The following PDE4B variants were observed in gnomAD, a reference collection of about 807,000 sequenced individuals.
PDE4B encodes the protein 3',5'-cyclic-AMP phosphodiesterase 4B.
In PDE4B, 20 loss-of-function variants were observed where a neutral mutation model predicts 82.2. The observed-to-expected ratio is 0.24, with a 90% CI of 0.17 to 0.35. PDE4B has a LOEUF of 0.35. PDE4B is among the 10% of genes least tolerant of loss of function. PDE4B has a pLI of 1.00. For synonymous variants in PDE4B, 320 were observed against 318.9 expected (o/e 1.00, Z -0.04); for missense variants, 655 against 907.2 (o/e 0.72, Z 3.57).
chr1:65,958,986 C>T (rs1360755427), intron 3 of PDE4B, among the ~76,000 whole-genome samples: 1 of 152,060 alleles, frequency 6.6e-6, no homozygotes, highest in Non-Finnish European at 1.5e-5. Context: ...TCTGTGCTTC[C>T]CAGATGCAGA....
chr1:65,913,309 T>A lies in PDE4B; in HGVS notation c.-6T>A, dbSNP rs1184050490. 1.2e-6 allele frequency: 2 copies of A among 1,613,198 alleles called. No individual in the cohort carries two copies. The highest frequency in any genetic ancestry group is 1.7e-6 in the Non-Finnish European group (2 of 1,179,344). The stretch of plus-strand genomic sequence containing the variant: ...ATCCTAAGAGGGGATATTTTCCACC[T>A]CTATAATGAAGAAAAGCAGGAGTGT... On this transcript the variant is annotated 5_prime_UTR_variant, in exon 2 of 17. Coordinates refer to ENST00000341517, the MANE Select transcript of PDE4B (RefSeq NM_002600.4).
intron 1 of PDE4B, among the ~76,000 whole-genome samples, chr1:65,837,462 G>A (rs1646153050): frequency 1.3e-5 from 2 of 152,148 alleles, no homozygotes; most frequent in Admixed American, 1.3e-4. Context: ...ACAAAAATTA[G>A]TCAGGTGTGA....
chr1:65,910,899 G>A (rs1376582669), intron 1 of PDE4B, among the ~76,000 whole-genome samples: 1 of 152,114 alleles, frequency 6.6e-6, no homozygotes, highest in South Asian at 2.1e-4. Flanking sequence ...GGGCAGATGA[G>A]GAATATCCAG....
chr1:66,036,915 A>T (rs990009964), intron 3 of PDE4B, among the ~76,000 whole-genome samples: 4 of 152,042 alleles, frequency 2.6e-5, no homozygotes, highest in Admixed American at 2.6e-4. Flanking sequence ...CAGGCAGATC[A>T]TGAAGTCAGG....
chr1:65,949,144 A>G (rs949632242), intron 3 of PDE4B, among the ~76,000 whole-genome samples: 9 of 152,028 alleles, frequency 5.9e-5, no homozygotes, highest in Non-Finnish European at 1.3e-4. Context: ...AGATCCTATC[A>G]TCTCCATTGC....
At chr1:65,907,001 A>G (rs971727905) in intron 1 of PDE4B, among the ~76,000 whole-genome samples, 1 of 152,186 alleles carries the variant, frequency 6.6e-6, no homozygotes, top group Non-Finnish European at 1.5e-5. Flanking sequence ...TTATTACTTA[A>G]TTGAAAAAAC....
At chr1:65,893,314 C>A (rs1156350960) in intron 1 of PDE4B, among the ~76,000 whole-genome samples, 2 of 151,944 alleles carry the variant, frequency 1.3e-5, no homozygotes, top group Non-Finnish European at 2.9e-5. Flanking sequence ...GTGAGCAAAG[C>A]ACATGAGTAG....
chr1:65,909,117 C>G (rs1165240081), intron 1 of PDE4B, among the ~76,000 whole-genome samples: 2 of 152,022 alleles, frequency 1.3e-5, no homozygotes, highest in Non-Finnish European at 2.9e-5. Context: ...ATATGGAAAA[C>G]AGTTATTGGA....
At chr1:65,858,008 A>G (rs1444393053) in intron 1 of PDE4B, among the ~76,000 whole-genome samples, 1 of 152,072 alleles carries the variant, frequency 6.6e-6, no homozygotes, top group Non-Finnish European at 1.5e-5. Context: ...ATTCAAACAT[A>G]TATTTCTGGC....
intron 3 of PDE4B, among the ~76,000 whole-genome samples, chr1:66,059,954 G>C (rs1050192865): frequency 6.6e-6 from 1 of 152,158 alleles, no homozygotes; most frequent in African/African-American, 2.4e-5. Flanking sequence ...AAAAAGCTCA[G>C]TTAGAATTCC....
At chr1:66,025,391 T>A (rs1286767172) in intron 3 of PDE4B, among the ~76,000 whole-genome samples, 1 of 152,124 alleles carries the variant, frequency 6.6e-6, no homozygotes, top group Non-Finnish European at 1.5e-5. Context: ...TAAGCTAAAT[T>A]CCTTATCTCT....
chr1:66,124,127 T>C (rs1218850945), intron 3 of PDE4B, among the ~76,000 whole-genome samples: 1 of 152,224 alleles, frequency 6.6e-6, no homozygotes, highest in Admixed American at 6.5e-5. Context: ...TATGGATTTG[T>C]CTCATGAGAG....
chr1:65,954,883 A>C (rs1649178116), intron 3 of PDE4B, among the ~76,000 whole-genome samples: 1 of 152,142 alleles, frequency 6.6e-6, no homozygotes, highest in Non-Finnish European at 1.5e-5. Context: ...ATTTCAATTT[A>C]GAAAAAAGTG....
chr1:66,257,515 T>A (rs972602378), intron 4 of PDE4B, 132 bp from the exon 5 acceptor site: 2 of 946,130 alleles, frequency 2.1e-6, no homozygotes, highest in African/African-American at 3.2e-5. Context: ...GTGAGTCCTG[T>A]CTTATATCCA....
At chr1:66,045,443 T>C (rs1654649744) in intron 3 of PDE4B, among the ~76,000 whole-genome samples, 1 of 151,692 alleles carries the variant, frequency 6.6e-6, no homozygotes, top group Non-Finnish European at 1.5e-5. Flanking sequence ...GTCCCTAAGT[T>C]TCCTCAAATA....
chr1:66,180,568 G>T (rs1647042066), intron 3 of PDE4B, among the ~76,000 whole-genome samples: 1 of 152,152 alleles, frequency 6.6e-6, no homozygotes, highest in Non-Finnish European at 1.5e-5. Flanking sequence ...ACATGAATTA[G>T]GGCAGCCATT....
chr1:65,917,609 A>T (rs1647177736), intron 2 of PDE4B, among the ~76,000 whole-genome samples: 1 of 152,214 alleles, frequency 6.6e-6, no homozygotes, highest in South Asian at 2.1e-4. Context: ...TCACCAAAAG[A>T]TATGGGAAGA....
chr1:66,131,573 C>A, intron 3 of PDE4B, among the ~76,000 whole-genome samples: 3 of 88,070 alleles, frequency 3.4e-5, no homozygotes, highest in Admixed American at 1.6e-4. Flanking sequence ...TCAATATTTT[C>A]AATATTTTCT....
At position 65,867,655 on chromosome 1, in the gene PDE4B, G is replaced by A. The variant is rs1646526695; in HGVS notation, c.-70-45590G>A. 2.0e-5 allele frequency among the ~76,000 whole-genome samples: 3 copies of A among 152,190 alleles called. 1 individual carries two copies. Among genetic ancestry groups the A allele is most frequent in the South Asian group, 4.2e-4 (2 of 4,816 alleles). ...ATTGTCATTTCTAAATCCCTGTTAT[G>A]CCCTAAAAATGCATGGGAAGCACTA... On this transcript the variant is annotated intron_variant, in intron 1 of 16. Coordinates refer to ENST00000341517, the MANE Select transcript of PDE4B (RefSeq NM_002600.4).
Sources: gnomAD v4.1 joint callset for allele counts (sites outside exome capture counted in the v4.1 genomes callset) on GRCh38, gnomAD v4.1.1 for gene constraint, MANE v1.5 for transcripts, NCBI Gene and HGNC (gene_info 2026-07-23, HGNC 2026-07-21) for gene names.